RIMS1: variants seen among roughly 807,000 people sequenced by gnomAD.
The protein encoded by RIMS1 is regulating synaptic membrane exocytosis protein 1.
In RIMS1, 83 loss-of-function variants were observed where a neutral mutation model predicts 214.1. The ratio of observed to expected loss-of-function variants is 0.39; its 90% CI spans 0.32 to 0.47. The LOEUF is 0.47. Ranked by LOEUF, RIMS1 falls within the 20% of genes least tolerant of loss-of-function variation. The pLI is 0.99. For missense variants in RIMS1, 2,050 were observed against 2,161.8 expected (o/e 0.95, Z 1.03); for synonymous variants, 793 against 786.8 (o/e 1.01, Z -0.13).
At chr6:72,259,593 T>C (rs938005541) in intron 18 of RIMS1, among the ~76,000 whole-genome samples, 8 of 145,654 alleles carry the variant, frequency 5.5e-5, no homozygotes, top group African/African-American at 2.1e-4. Context: ...TTTCATAAAA[T>C]CTCTTTCTAG....
At chr6:72,037,750 A>C (rs1400765196) in intron 2 of RIMS1, among the ~76,000 whole-genome samples, 1 of 151,914 alleles carries the variant, frequency 6.6e-6, no homozygotes, top group Admixed American at 6.6e-5. Flanking sequence ...GGTCAATAGT[A>C]GGCTTTTTTA....
intron 23 of RIMS1, among the ~76,000 whole-genome samples, chr6:72,278,758 G>A (rs1459121290): frequency 6.6e-6 from 1 of 151,942 alleles, no homozygotes; most frequent in East Asian, 1.9e-4. Flanking sequence ...TATACAGGAA[G>A]GTAAATGTAT....
At chr6:72,163,538 T>C (rs2045785488) in intron 4 of RIMS1, among the ~76,000 whole-genome samples, 1 of 140,672 alleles carries the variant, frequency 7.1e-6, no homozygotes. Flanking sequence ...TCTTTGATGA[T>C]GGTGATGTAT....
rs140889947 is a variant in RIMS1, at chr6:71,982,960, C to A, written c.245+13897C>A. Among the ~76,000 whole-genome samples, 117 of 152,224 alleles carry A rather than the reference C, an allele frequency of 7.7e-4. 1 individual carries two copies. The highest frequency in any genetic ancestry group is 3.4e-3 in the Middle Eastern group (1 of 294). ...AAATGTTTTACAAAACCACAATATT[C>A]CCTACTCATTGAAGATGTCCTTCCC... On this transcript the variant is annotated intron_variant, in intron 2 of 33. Transcript: ENST00000521978.
intron 30 of RIMS1, among the ~76,000 whole-genome samples, chr6:72,392,092 G>A (rs1183081562): frequency 2.0e-5 from 3 of 152,226 alleles, no homozygotes; most frequent in Non-Finnish European, 4.4e-5. Context: ...ATTACCCAGT[G>A]ATAACTACAT....
At chr6:72,034,676 T>C (rs1819094111) in intron 2 of RIMS1, among the ~76,000 whole-genome samples, 1 of 152,034 alleles carries the variant, frequency 6.6e-6, no homozygotes. Context: ...TTGCAAGAGA[T>C]ATTAAATGTC....
intron 24 of RIMS1, among the ~76,000 whole-genome samples, chr6:72,287,180 A>G (rs776083242): frequency 5.9e-5 from 9 of 152,140 alleles, no homozygotes; most frequent in East Asian, 3.9e-4. Context: ...TATTTGGACT[A>G]CTATTTAGAA....
chr6:72,065,299 A>G (rs896594999), intron 2 of RIMS1, among the ~76,000 whole-genome samples: 4 of 152,168 alleles, frequency 2.6e-5, no homozygotes, highest in Non-Finnish European at 5.9e-5. Flanking sequence ...CAGAAGAAGG[A>G]ATTATTTTTA....
intron 22 of RIMS1, among the ~76,000 whole-genome samples, chr6:72,271,528 G>A (rs2083375254): frequency 6.6e-6 from 1 of 151,712 alleles, no homozygotes; most frequent in Non-Finnish European, 1.5e-5. Context: ...TTTTTAGATA[G>A]TTAAGCTTCT....
At chr6:72,255,204 A>G (rs2075274554) in intron 16 of RIMS1, among the ~76,000 whole-genome samples, 1 of 152,190 alleles carries the variant, frequency 6.6e-6, no homozygotes, top group Non-Finnish European at 1.5e-5. Context: ...GCTAAAATAA[A>G]GTGAGGTGAT....
At chr6:72,139,811 A>G (rs546145802) in intron 4 of RIMS1, among the ~76,000 whole-genome samples, 374 of 152,302 alleles carry the variant, frequency 2.5e-3, no homozygotes, top group Non-Finnish European at 2.8e-3. Context: ...AATGCAAATC[A>G]ATCTCTCATC....
chr6:72,218,765 A>T (rs1454961581), intron 6 of RIMS1, among the ~76,000 whole-genome samples: 2 of 152,204 alleles, frequency 1.3e-5, no homozygotes, highest in Non-Finnish European at 2.9e-5. Flanking sequence ...AGACGAAAGA[A>T]AAAGAGAAAC....
chr6:72,346,686 A>T (rs1034189021), intron 29 of RIMS1, among the ~76,000 whole-genome samples: 2 of 151,754 alleles, frequency 1.3e-5, no homozygotes, highest in African/African-American at 4.8e-5. Context: ...ATGAGAGAAT[A>T]AATATTTTTA....
intron 4 of RIMS1, among the ~76,000 whole-genome samples, chr6:72,166,928 C>T (rs765394372): frequency 5.3e-4 from 81 of 151,618 alleles, no homozygotes; most frequent in Non-Finnish European, 9.7e-4. Flanking sequence ...ATTTTTATTG[C>T]TTGATTAATT....
intron 2 of RIMS1, among the ~76,000 whole-genome samples, chr6:72,094,977 A>G (rs1326835143): frequency 1.3e-5 from 2 of 151,124 alleles, no homozygotes; most frequent in Non-Finnish European, 2.9e-5. Flanking sequence ...ATTTTGACAG[A>G]GCCTCGCTCT....
chr6:72,036,756 T>G (rs549687080), intron 2 of RIMS1, among the ~76,000 whole-genome samples: 1 of 152,156 alleles, frequency 6.6e-6, no homozygotes, highest in Non-Finnish European at 1.5e-5. Context: ...TTCAAAAAGC[T>G]TTGTGTTTTT....
chr6:72,138,734 T>G (rs2041704505), intron 4 of RIMS1, among the ~76,000 whole-genome samples: 1 of 152,146 alleles, frequency 6.6e-6, no homozygotes, highest in African/African-American at 2.4e-5. Context: ...TTTTAAAAAA[T>G]CAACTATAAT....
chr6:71,908,333 C>A (rs1775869502), intron 1 of RIMS1, among the ~76,000 whole-genome samples: 1 of 152,122 alleles, frequency 6.6e-6, no homozygotes, highest in African/African-American at 2.4e-5. Context: ...GTCTATAATG[C>A]CAGTCATTTC....
rs1313186837 is a variant in RIMS1, at chr6:72,179,827, A to G, written c.724A>G (p.Ser242Gly). The change falls in exon 5 of 34, where the codon AGC becomes GGC. Residue 242 changes from serine to glycine, a missense_variant. Ser to Gly is a moderately conservative substitution (Grantham distance 56, BLOSUM62 0). This residue lies in a region of RIMS1 where 882 missense variants were observed against 828.9 expected (regional missense o/e 1.06). Coordinates refer to ENST00000521978, the MANE Select transcript of RIMS1 (RefSeq NM_014989.7). ...AAPPSAPPDR[S>G]KGAEPSQQAL... The stretch of plus-strand genomic sequence containing the variant: ...TCCTCCCAGCGCACCACCAGACAGG[A>G]GCAAAGGGGCTGAGCCCTCGCAGCA... 3.7e-6 allele frequency: 6 copies of G among 1,613,114 alleles called. No individual in the cohort carries two copies. The highest frequency in any genetic ancestry group is 5.1e-6 in the Non-Finnish European group (6 of 1,179,388).
Sources: allele counts gnomAD v4.1 joint callset (sites outside exome capture counted in the v4.1 genomes callset), GRCh38; gene constraint gnomAD v4.1.1; regional missense constraint gnomAD v4.1.1; transcripts MANE v1.5; gene names NCBI Gene and HGNC (gene_info 2026-07-23, HGNC 2026-07-21).